The following TPRN variants were observed in gnomAD, a reference collection of about 807,000 sequenced individuals.
TPRN encodes taperin, also known as chromosome 9 open reading frame 75.
In TPRN, 32 loss-of-function variants were observed where a neutral mutation model predicts 42.6. The observed-to-expected ratio is 0.75, with a 90% CI of 0.57 to 1.01. TPRN has a LOEUF of 1.01. Ranked by LOEUF, TPRN falls within the 50% of genes least tolerant of loss-of-function variation. The pLI is 0.00. For synonymous variants in TPRN, 541 were observed against 445.6 expected, an observed-to-expected ratio of 1.21 and a Z score of -2.70; for missense variants, 1,095 against 957.5, an observed-to-expected ratio of 1.14 and a Z score of -1.90.
Position 137,200,470 on chromosome 9 carries a change from TC to T in TPRN, c.241del (p.Glu81SerfsTer369). Reference sequence around the variant, plus strand: ...CACGCCAGGCACGCGGCGGTACCGCTCCAGCAGCCGCGCCCCCGCCGCGCCC... The same window carrying T: ...CACGCCAGGCACGCGGCGGTACCGCTCAGCAGCCGCGCCCCCGCCGCGCCC... ...GGGAAGARLL[E>X]RYRRVPGVRA... On this transcript the variant is annotated frameshift_variant, in exon 1 of 4. Transcript: ENST00000409012. LOFTEE classifies it high-confidence loss of function. The surrounding 1 kb of genome is among the most constrained non-coding windows in gnomAD (Gnocchi z 4.3). 1.8e-6 allele frequency: 2 copies of T among 1,119,768 alleles called. No individual in the cohort carries two copies. Among genetic ancestry groups the T allele is most frequent in the Non-Finnish European group, 2.2e-6 (2 of 917,800 alleles). The allele number at this position is 1,119,768 out of a possible 1,614,324, so 69.4% of individuals were successfully genotyped here.
At position 137,199,769 on chromosome 9, in the gene TPRN, G is replaced by A. The variant is rs756793197; in HGVS notation, c.943C>T (p.Leu315Phe). The A allele has an allele frequency of 1.1e-5, 17 of 1,610,620 alleles. No homozygotes were observed. Among genetic ancestry groups the A allele is most frequent in the Middle Eastern group, 3.3e-4 (2 of 6,078 alleles). ...AGGCTGGCCAGCGCCCGGGCCTGGA[G>A]GTCCCCCAAGGGGATGGTCTCCATA... ...PVMETIPLGD[L>F]QARALASLRA... Residue 315 changes from leucine to phenylalanine, a missense_variant, in exon 1 of 4, where the codon CTC becomes TTC. Physicochemically the swap from Leu to Phe is conservative, Grantham distance 22. Transcript: ENST00000409012.
At position 137,199,343 on chromosome 9, in the gene TPRN, A is replaced by G. The variant is rs1280258772; in HGVS notation, c.1369T>C (p.Phe457Leu). ...TCCTCCGAGTCTACCTCATCGATGA[A>G]GGTGACAGGCAGCCCCGGCCTCACA... Reference protein sequence around the residue: ...EYVRPGLPVTFIDEVDSEEAP... With the variant: ...EYVRPGLPVTLIDEVDSEEAP... The change falls in exon 1 of 4, where the codon TTC (phenylalanine) becomes CTC (leucine). Residue 457 changes from phenylalanine (F) to leucine (L), a missense_variant. Coordinates refer to ENST00000409012, the MANE Select transcript of TPRN (RefSeq NM_001128228.3). 2 of 1,612,630 alleles carry G rather than the reference A, an allele frequency of 1.2e-6. No individual in the cohort carries two copies. The highest frequency in any genetic ancestry group is 4.5e-5 in the East Asian group (2 of 44,882).
chr9:137,197,898 G>A (rs1409887547), intron 1 of TPRN, among the ~76,000 whole-genome samples: 12 of 152,208 alleles, frequency 7.9e-5, no homozygotes, highest in Non-Finnish European at 7.4e-5. Context: ...AGATAGAGCC[G>A]GCAGGGGCAC....
intron 1 of TPRN, among the ~76,000 whole-genome samples, chr9:137,197,280 C>G (rs138363064): frequency 0.011 from 1,719 of 152,162 alleles, 31 homozygotes; most frequent in African/African-American, 0.039. Context: ...TTTATATCTT[C>G]TTAGTAGAGA....
At chr9:137,192,738 A>C in intron 1 of TPRN, 47 bp from the exon 2 acceptor site, 1 of 1,601,222 alleles carries the variant, frequency 6.2e-7, no homozygotes, top group Non-Finnish European at 8.5e-7. Context: ...CCACATGGGC[A>C]CAGTGATGCC....
chr9:137,198,922 C>A (rs1834745555), intron 1 of TPRN, 65 bp downstream of exon 1: 2 of 1,607,784 alleles, frequency 1.2e-6, no homozygotes, highest in Middle Eastern at 1.7e-4. Flanking sequence ...GCAGGTGCTG[C>A]CCCCACAGTT....
In TPRN at chr9:137,192,036, G is replaced by T; in HGVS notation, c.*76C>A. The stretch of plus-strand genomic sequence containing the variant: ...GAGGCCAAACAAGGCAGAAGCGGGT[G>T]CAGTAGTCCCTGGCTACTGCCCAGC... On this transcript the variant is annotated 3_prime_UTR_variant, in exon 4 of 4. Coordinates refer to ENST00000409012, the MANE Select transcript of TPRN (RefSeq NM_001128228.3). The T allele has an allele frequency of 6.4e-7, 1 of 1,554,424 alleles. No individual in the cohort carries two copies. Among genetic ancestry groups the T allele is most frequent in the South Asian group, 1.1e-5 (1 of 89,472 alleles).
chr9:137,191,895 C>G lies in TPRN; in HGVS notation c.*217G>C. ...CTCACCCACAGGCAGTTCCCCACCC[C>G]ACTTCCCCCTTGGACCCTCCCAAAT... On this transcript the variant is annotated 3_prime_UTR_variant, in exon 4 of 4. Coordinates refer to ENST00000409012, the MANE Select transcript of TPRN (RefSeq NM_001128228.3). 1.6e-6 allele frequency: 1 copy of G among 640,362 alleles called. No homozygotes were observed. The highest frequency in any genetic ancestry group is 1.8e-5 in the South Asian group (1 of 56,386). 39.7% of individuals were successfully genotyped at this position (640,362 alleles called of 1,614,324 possible). A position where few individuals can be genotyped will look rare whatever the true frequency, so the allele number is the denominator to read the frequency against.
chr9:137,198,153 C>CGGG (rs1834734381), intron 1 of TPRN, among the ~76,000 whole-genome samples: 2 of 152,348 alleles, frequency 1.3e-5, no homozygotes, highest in South Asian at 4.1e-4. Context: ...AGGCGCCCCC[C>CGGG]CTCAGTCCCC....
In TPRN at chr9:137,192,121, C is replaced by A. The variant is rs141477297; in HGVS notation, c.2127G>T (p.Leu709=). 2.5e-6 allele frequency: 4 copies of A among 1,613,360 alleles called. No individual in the cohort carries two copies. Among genetic ancestry groups the A allele is most frequent in the South Asian group, 2.2e-5 (2 of 91,090 alleles). Residue 709 remains leucine (L), a synonymous_variant, in exon 4 of 4, where the codon CTG becomes CTT. Transcript: ENST00000409012. ...DLSDFRSEPA[L]YF Reference sequence around the variant, plus strand: ...CCTGGCAGTGCTGGGCTCAGAAATACAGGGCTGGCTCGCTGCGGAAGTCCG... The same window carrying A: ...CCTGGCAGTGCTGGGCTCAGAAATAAAGGGCTGGCTCGCTGCGGAAGTCCG...
chr9:137,197,892 A>G (rs1425649189), intron 1 of TPRN, among the ~76,000 whole-genome samples: 2 of 152,200 alleles, frequency 1.3e-5, no homozygotes, highest in Non-Finnish European at 2.9e-5. Flanking sequence ...GCCGGCAGAT[A>G]GAGCCGGCAG....
Position 137,199,522 on chromosome 9 carries a change from C to A in TPRN, c.1190G>T (p.Gly397Val). The A allele has an allele frequency of 6.4e-7, 1 of 1,570,696 alleles. No individual in the cohort carries two copies. The highest frequency in any genetic ancestry group is 8.6e-7 in the Non-Finnish European group (1 of 1,158,522). The change falls in exon 1 of 4, where the codon GGG becomes GTG. Residue 397 changes from glycine (G) to valine (V), a missense_variant. Physicochemically the swap from Gly to Val is moderately radical, Grantham distance 109. Coordinates refer to ENST00000409012, the MANE Select transcript of TPRN (RefSeq NM_001128228.3). ...GGCGGTGGCTGTCCTGGGACAGGCC[C>A]CCTCCTCGACTGCCCACTGTGCCTC... ...EVEAQWAVEE[G>V]ACPRTATALA... is the part of the protein sequence containing the mutation.
chr9:137,195,549 T>C (rs920650507), intron 1 of TPRN, among the ~76,000 whole-genome samples: 6 of 151,938 alleles, frequency 3.9e-5, no homozygotes, highest in Non-Finnish European at 8.8e-5. Context: ...GTGGTGTCAG[T>C]AGGAAGGGCA....
Position 137,198,987 on chromosome 9 carries a change from C to A in TPRN, c.1725G>T (p.Lys575Asn), listed in dbSNP as rs1414543823. Residue 575 changes from lysine to asparagine, a missense_variant and splice_region_variant, in exon 1 of 4, where the codon AAG becomes AAT. Physicochemically the swap from Lys to Asn is moderately conservative, Grantham distance 94. Transcript: ENST00000409012. ...CLTKAGSSRK[K>N]MKISFNDKSL... ...CAGTGGCCCTGCCCCCACCACTGAC[C>A]TTCTTTCTTGAGGAGCCAGCCTTGG... 6.2e-7 allele frequency: 1 copy of A among 1,612,864 alleles called. No individual in the cohort carries two copies. Among genetic ancestry groups the A allele is most frequent in the Admixed American group, 1.7e-5 (1 of 60,032 alleles).
Position 137,199,126 on chromosome 9 carries a change from GCCTCCC to G in TPRN, c.1580_1585del (p.Arg527_Ala529delinsPro). On this transcript the variant is annotated inframe_deletion, in exon 1 of 4. Coordinates refer to ENST00000409012, the MANE Select transcript of TPRN (RefSeq NM_001128228.3). Reference sequence around the variant, plus strand: ...GAGGCAACTAGCCTCCTCCTCCTCGGCCTCCCGTGGCCGAGGCTCCCTGTTGGCCTG... The same window carrying G: ...GAGGCAACTAGCCTCCTCCTCCTCGGGTGGCCGAGGCTCCCTGTTGGCCTG... 6.2e-7 allele frequency: 1 copy of G among 1,613,170 alleles called. No individual in the cohort carries two copies. Among genetic ancestry groups the G allele is most frequent in the Non-Finnish European group, 8.5e-7 (1 of 1,179,994 alleles).
chr9:137,200,503 C>T lies in TPRN; in HGVS notation c.209G>A (p.Arg70His), dbSNP rs963758709. ...PFMLLEAERR[R>H]GGGAAGARLL... is the part of the protein sequence containing the mutation. ...CCGCGCCCCCGCCGCGCCCCCGCCG[C>T]GCCGCCGCTCGGCCTCCAGCAGCAT... The change falls in exon 1 of 4, where the codon CGC (arginine) becomes CAC (histidine). Residue 70 changes from arginine to histidine, a missense_variant. Physicochemically the swap from Arg to His is conservative, Grantham distance 29. Coordinates refer to ENST00000409012, the MANE Select transcript of TPRN (RefSeq NM_001128228.3). The surrounding 1 kb of genome is among the most constrained non-coding windows in gnomAD (Gnocchi z 4.3). 1 of 1,151,336 alleles carries T rather than the reference C, an allele frequency of 8.7e-7. No homozygotes were observed. The highest frequency in any genetic ancestry group is 1.1e-6 in the Non-Finnish European group (1 of 934,156). 71.3% of individuals were successfully genotyped at this position (1,151,336 alleles called of 1,614,324 possible). A position where few individuals can be genotyped will look rare whatever the true frequency, so the allele number is the denominator to read the frequency against.
In TPRN at chr9:137,200,265, G is replaced by C; in HGVS notation, c.447C>G (p.Arg149=). 1.0e-6 allele frequency: 1 copy of C among 979,376 alleles called. No homozygotes were observed. The highest frequency in any genetic ancestry group is 1.2e-6 in the Non-Finnish European group (1 of 828,024). 60.7% of individuals were successfully genotyped at this position (979,376 alleles called of 1,614,324 possible). The change falls in exon 1 of 4, where the codon CGC becomes CGG. Residue 149 remains arginine (R), a synonymous_variant. Transcript: ENST00000409012. This position sits in a 1 kb window ranked among gnomAD's most constrained non-coding sequence, Gnocchi z 4.3. ...GGGGGCGGGCGCGCTCGGGGCTCCC[G>C]CGGCGGCGCGGCGCGGCGGGCGGGT... The part of the protein sequence containing the change: ...RFDPPAAPRR[R]GSPERARPPP...
Position 137,200,044 on chromosome 9 carries a change from T to C in TPRN, c.668A>G (p.Asn223Ser), listed in dbSNP as rs1588776815. Residue 223 changes from asparagine (N) to serine (S), a missense_variant, in exon 1 of 4, where the codon AAC (asparagine) becomes AGC (serine). By Grantham distance (46) the Asn-to-Ser change is conservative. Coordinates refer to ENST00000409012, the MANE Select transcript of TPRN (RefSeq NM_001128228.3). This position sits in a 1 kb window ranked among gnomAD's most constrained non-coding sequence, Gnocchi z 4.3. The part of the protein sequence containing the change: ...HRGAGARLLS[N>S]GHSAPEPRAG... ...CCGGGGCTCAGGGGCCGAGTGCCCG[T>C]TGGAGAGCAGGCGGGCGCCCGCGCC... The C allele has an allele frequency of 1.4e-6, 2 of 1,437,170 alleles. No individual in the cohort carries two copies. The highest frequency in any genetic ancestry group is 1.5e-5 in the South Asian group (1 of 67,662). 89.0% of individuals were successfully genotyped at this position (1,437,170 alleles called of 1,614,324 possible). A position where few individuals can be genotyped will look rare whatever the true frequency, so the allele number is the denominator to read the frequency against.
In TPRN at chr9:137,200,740, C is replaced by T. The variant is rs1321381532; in HGVS notation, c.-29G>A. 2 of 1,093,024 alleles carry T rather than the reference C, an allele frequency of 1.8e-6. No homozygotes were observed. Among genetic ancestry groups the T allele is most frequent in the Non-Finnish European group, 1.1e-6 (1 of 897,732 alleles). 67.7% of individuals were successfully genotyped at this position (1,093,024 alleles called of 1,614,324 possible). A position where few individuals can be genotyped will look rare whatever the true frequency, so the allele number is the denominator to read the frequency against. ...GCGAACGCGGCAGCGGACGGCTGGA[C>T]TGAGGGCCGGAGTGGCAGCCGCCGC... On this transcript the variant is annotated 5_prime_UTR_variant, in exon 1 of 4. Coordinates refer to ENST00000409012, the MANE Select transcript of TPRN (RefSeq NM_001128228.3). The surrounding 1 kb of genome is among the most constrained non-coding windows in gnomAD (Gnocchi z 4.3).
Sources: allele counts gnomAD v4.1 joint callset (sites outside exome capture counted in the v4.1 genomes callset), GRCh38; gene constraint gnomAD v4.1.1; non-coding constraint Gnocchi (gnomAD v3.1); transcripts MANE v1.5; gene names NCBI Gene and HGNC (gene_info 2026-07-23, HGNC 2026-07-21).